The following TEK variants were observed in gnomAD, a reference collection of about 807,000 sequenced individuals.
TEK encodes angiopoietin-1 receptor.
A neutral mutation model predicts 131.8 loss-of-function variants in TEK; 43 were observed. The ratio of observed to expected loss-of-function variants is 0.33; its 90% CI spans 0.26 to 0.42. TEK has a LOEUF of 0.42. Ranked by LOEUF, TEK falls within the 10% of genes least tolerant of loss-of-function variation. The pLI, the probability that TEK is intolerant of heterozygous loss-of-function variation, is 1.00. For synonymous variants in TEK, 580 were observed against 491.6 expected (o/e 1.18, Z -2.38); for missense variants, 1,162 against 1,384.4 (o/e 0.84, Z 2.55).
rs2131242679 is a variant in TEK, at chr9:27,218,764, G to A, written c.3063-13G>A. On this transcript the variant is annotated splice_polypyrimidine_tract_variant and intron_variant, in intron 19 of 22. Coordinates refer to ENST00000380036, the MANE Select transcript of TEK (RefSeq NM_000459.5). ...TTTGCTGATTGTTGGTTTCACACTTGTCCCTCCTGCAGATGGTCCTATGGT... is the reference window on the plus strand; with the variant it reads ...TTTGCTGATTGTTGGTTTCACACTTATCCCTCCTGCAGATGGTCCTATGGT... 3 of 1,613,956 alleles carry A rather than the reference G, an allele frequency of 1.9e-6. No individual in the cohort carries two copies. Among genetic ancestry groups the A allele is most frequent in the Non-Finnish European group, 2.5e-6 (3 of 1,179,914 alleles).
intron 15 of TEK, 106 bp from the exon 16 acceptor site, chr9:27,209,015 T>G (rs879238127): frequency 4.0e-6 from 3 of 754,368 alleles, no homozygotes; most frequent in African/African-American, 3.4e-5. Flanking sequence ...TTGTATACAG[T>G]TGATGGTGAC....
chr9:27,133,719 G>A (rs1032019457), intron 1 of TEK, among the ~76,000 whole-genome samples: 5 of 152,198 alleles, frequency 3.3e-5, no homozygotes, highest in Admixed American at 2.0e-4. Context: ...TGGTGAGGGT[G>A]AGACCCATGC....
chr9:27,154,619 A>G (rs10511803), intron 1 of TEK, among the ~76,000 whole-genome samples: 19,193 of 152,248 alleles, frequency 0.13, 1,408 homozygotes, highest in Middle Eastern at 0.25. Flanking sequence ...AAATACAACT[A>G]TAGATTCTCA....
At chr9:27,155,918 T>G (rs991214056) in intron 1 of TEK, among the ~76,000 whole-genome samples, 1 of 151,828 alleles carries the variant, frequency 6.6e-6, no homozygotes, top group African/African-American at 2.4e-5. Flanking sequence ...TTCTCCTGTC[T>G]CAGCCTCCCG....
At chr9:27,227,250 A>G (rs1826373712) in intron 21 of TEK, among the ~76,000 whole-genome samples, 1 of 152,184 alleles carries the variant, frequency 6.6e-6, no homozygotes. Context: ...GGCAGGTTCC[A>G]GAATTCTGCA....
intron 6 of TEK, among the ~76,000 whole-genome samples, chr9:27,179,667 T>C (rs923711004): frequency 2.0e-5 from 3 of 152,312 alleles, no homozygotes; most frequent in African/African-American, 7.2e-5. Context: ...TTAGTTCTTT[T>C]ATCTTTAGCT....
chr9:27,165,190 G>A (rs963286426), intron 2 of TEK, among the ~76,000 whole-genome samples: 3 of 152,182 alleles, frequency 2.0e-5, no homozygotes, highest in African/African-American at 7.2e-5. Flanking sequence ...ACTTGGAATT[G>A]AGCCTACTGG....
At chr9:27,122,579 A>T (rs145534411) in intron 1 of TEK, among the ~76,000 whole-genome samples, 3 of 152,232 alleles carry the variant, frequency 2.0e-5, no homozygotes, top group East Asian at 3.9e-4. Context: ...AGAGACACTT[A>T]TAAGAGCCTT....
intron 7 of TEK, among the ~76,000 whole-genome samples, chr9:27,182,978 A>T (rs976444508): frequency 2.6e-5 from 4 of 152,228 alleles, no homozygotes; most frequent in African/African-American, 9.6e-5. Context: ...AATGAATGAG[A>T]CATCTCTCGT....
intron 1 of TEK, among the ~76,000 whole-genome samples, chr9:27,144,944 A>G (rs1250212900): frequency 6.6e-6 from 1 of 152,204 alleles, no homozygotes; most frequent in African/African-American, 2.4e-5. Flanking sequence ...GGTTGAACAA[A>G]CAGAATTCCA....
Position 27,130,734 on chromosome 9 carries a change from G to A in TEK, c.52+21092G>A, listed in dbSNP as rs187624115. 8.6e-3 allele frequency among the ~76,000 whole-genome samples: 1,257 copies of A among 145,494 alleles called. 7 individuals are homozygous for A. Among genetic ancestry groups the A allele is most frequent in the African/African-American group, 0.016 (642 of 39,250 alleles). On this transcript the variant is annotated intron_variant, in intron 1 of 22. Coordinates refer to ENST00000380036, the MANE Select transcript of TEK (RefSeq NM_000459.5). ...TGGGATTACAGGTGTGCACCACCAC[G>A]CCTGGCTAATTTTTGTATTTTTAGT... is the stretch of plus-strand genomic sequence containing the variant.
At chr9:27,144,553 T>C (rs12003475) in intron 1 of TEK, among the ~76,000 whole-genome samples, 6,755 of 152,246 alleles carry the variant, frequency 0.044, 489 homozygotes, top group African/African-American at 0.15. Flanking sequence ...TAAAATCCAG[T>C]TGGAATTTCA....
intron 1 of TEK, among the ~76,000 whole-genome samples, chr9:27,123,052 CAAAAAAAA>C (rs10700803): frequency 1.4e-4 from 5 of 34,710 alleles, no homozygotes; most frequent in East Asian, 1.3e-3. Flanking sequence ...GACTCTGTCT[CAAAAAAAA>C]AAAAAAAAAA....
At chr9:27,162,445 G>A (rs2131129294) in intron 2 of TEK, among the ~76,000 whole-genome samples, 1 of 152,288 alleles carries the variant, frequency 6.6e-6, no homozygotes, top group East Asian at 1.9e-4. Flanking sequence ...TCATTTGGGG[G>A]TAGGAAATTA....
In TEK at chr9:27,217,355, C is replaced by G. The variant is rs763237802; in HGVS notation, c.2992-333C>G. 2.6e-5 allele frequency among the ~76,000 whole-genome samples: 4 copies of G among 152,252 alleles called. No homozygotes were observed. The Middle Eastern group carries it at 0.01, about 388-fold the overall frequency. On this transcript the variant is annotated intron_variant, in intron 18 of 22. Coordinates refer to ENST00000380036, the MANE Select transcript of TEK (RefSeq NM_000459.5). ...GCTTCCCTTTTCCATATTATTAATA[C>G]AGTTAAATTCTCACTCAGTGTCTAT...
chr9:27,167,998 A>G (rs368736087), intron 2 of TEK, among the ~76,000 whole-genome samples: 1 of 152,196 alleles, frequency 6.6e-6, no homozygotes, highest in South Asian at 2.1e-4. Flanking sequence ...AAAATCTGAA[A>G]TCTGAGATGC....
At chr9:27,223,017 G>C (rs1161776476) in intron 21 of TEK, among the ~76,000 whole-genome samples, 1 of 152,048 alleles carries the variant, frequency 6.6e-6, no homozygotes, top group African/African-American at 2.4e-5. Context: ...GATCAAAGGA[G>C]ACAAAGAAGG....
At chr9:27,208,871 G>A (rs1378463835) in intron 15 of TEK, among the ~76,000 whole-genome samples, 1 of 151,960 alleles carries the variant, frequency 6.6e-6, no homozygotes, top group African/African-American at 2.4e-5. Flanking sequence ...TTGGCTATTG[G>A]CATCTAGTTA....
chr9:27,201,417 T>C (rs1401702312), intron 12 of TEK, among the ~76,000 whole-genome samples: 1 of 152,212 alleles, frequency 6.6e-6, no homozygotes, highest in Non-Finnish European at 1.5e-5. Flanking sequence ...TATGTGATCA[T>C]AGTAATCTGA....
Sources: gnomAD v4.1 joint callset for allele counts (sites outside exome capture counted in the v4.1 genomes callset) on GRCh38, gnomAD v4.1.1 for gene constraint, MANE v1.5 for transcripts, NCBI Gene and HGNC (gene_info 2026-07-23, HGNC 2026-07-21) for gene names.